Variants in DCAF5 observed in about 807,000 individuals in gnomAD.
The protein encoded by DCAF5 is DDB1- and CUL4-associated factor 5.
DCAF5 carries 9 observed loss-of-function variants against 80.7 expected under a neutral mutation model. The ratio of observed to expected loss-of-function variants is 0.11; its 90% CI spans 0.07 to 0.19. The LOEUF (loss-of-function observed/expected upper bound fraction) is 0.19. DCAF5 is among the 10% of genes least tolerant of loss of function. DCAF5 has a pLI of 1.00. For synonymous variants in DCAF5, 433 were observed against 461.9 expected, an observed-to-expected ratio of 0.94 and a Z score of 0.80; for missense variants, 842 against 1,205.7, an observed-to-expected ratio of 0.70 and a Z score of 4.47.
intron 7 of DCAF5, among the ~76,000 whole-genome samples, chr14:69,070,585 T>A (rs2038647266): frequency 6.6e-6 from 1 of 152,212 alleles, no homozygotes; most frequent in African/African-American, 2.4e-5. Context: ...CCAGGTATGA[T>A]TTTAAGTCTA....
chr14:69,091,611 T>A (rs1409829756), intron 6 of DCAF5, 63 bp downstream of exon 6: 7 of 1,436,034 alleles, frequency 4.9e-6, no homozygotes, highest in Non-Finnish European at 6.8e-6. Context: ...TAAAGACCAG[T>A]ATAGAAAGAA....
Position 69,055,653 on chromosome 14 carries a change from GA to G in DCAF5, c.1075-43del. ...AAACAAAAGCAACAAGGAGTAACTG[GA>G]AAGTATTCTTTCACTGGTGGTGATA... On this transcript the variant is annotated intron_variant, in intron 8 of 8. Coordinates refer to ENST00000341516, the MANE Select transcript of DCAF5 (RefSeq NM_003861.3). The surrounding 1 kb of genome is among the most constrained non-coding windows in gnomAD (Gnocchi z 5.6). The G allele has an allele frequency of 6.5e-7, 1 of 1,550,310 alleles. No homozygotes were observed. The highest frequency in any genetic ancestry group is 8.8e-7 in the Non-Finnish European group (1 of 1,141,298).
In DCAF5 at chr14:69,059,538, T is replaced by C. The variant is rs78419482; in HGVS notation, c.1074+2846A>G. Among the ~76,000 whole-genome samples the C allele has an allele frequency of 2.8e-3, 427 of 152,282 alleles. 2 individuals are homozygous for C. Among genetic ancestry groups the C allele is most frequent in the African/African-American group, 9.9e-3 (412 of 41,560 alleles). On this transcript the variant is annotated intron_variant, in intron 8 of 8. Transcript: ENST00000341516. ...TAAGTCACTGTCAGCACCCTCACTT[T>C]CCAGATGGGAGACAGAACCAAGGGT... is the stretch of plus-strand genomic sequence containing the variant.
At chr14:69,064,662 A>C (rs2038362539) in intron 7 of DCAF5, among the ~76,000 whole-genome samples, 2 of 152,192 alleles carry the variant, frequency 1.3e-5, no homozygotes, top group Non-Finnish European at 2.9e-5. Context: ...CTGAAGTTCT[A>C]AATTAAAAGG....
Position 69,054,571 on chromosome 14 carries a change from A to G in DCAF5, c.2115T>C (p.Ser705=), listed in dbSNP as rs779789894. Residue 705 remains serine, a synonymous_variant, in exon 9 of 9, where the codon TCT becomes TCC. Coordinates refer to ENST00000341516, the MANE Select transcript of DCAF5 (RefSeq NM_003861.3). ...GTSHKDNPAP[S]SSKEACLNIA... is the part of the protein sequence containing the mutation. ...TGTTTAGACAGGCTTCCTTACTGGAAGAAGGGGCTGGGTTGTCTTTGTGGC... is the reference window on the plus strand; with the variant it reads ...TGTTTAGACAGGCTTCCTTACTGGAGGAAGGGGCTGGGTTGTCTTTGTGGC... 2 of 1,614,176 alleles carry G rather than the reference A, an allele frequency of 1.2e-6. No individual in the cohort carries two copies. The highest frequency in any genetic ancestry group is 1.7e-6 in the Non-Finnish European group (2 of 1,180,016).
intron 1 of DCAF5, among the ~76,000 whole-genome samples, chr14:69,127,161 G>A (rs1331330002): frequency 1.3e-5 from 2 of 151,812 alleles, no homozygotes. Context: ...GTTGAAACTT[G>A]TATCTACACA....
intron 6 of DCAF5, chr14:69,085,506 T>C (rs979436336): frequency 1.6e-5 from 5 of 320,114 alleles, no homozygotes; most frequent in African/African-American, 1.1e-4. Flanking sequence ...AGAGTATAAA[T>C]TGAATTCGGT....
chr14:69,090,969 G>A lies in DCAF5; in HGVS notation c.879+705C>T, dbSNP rs903427963. ...CTTCCCATTTGTCTTTCCTCGGCTT[G>A]GTGACCCAGATTAGCCCAACTGGTC... On this transcript the variant is annotated intron_variant, in intron 6 of 8. Transcript: ENST00000341516. 157 of 639,512 alleles carry A rather than the reference G, an allele frequency of 2.5e-4. No individual in the cohort carries two copies. In the East Asian group the frequency reaches 4.2e-3, roughly 17 times the overall value. 39.6% of individuals were successfully genotyped at this position (639,512 alleles called of 1,614,324 possible). A position where few individuals can be genotyped will look rare whatever the true frequency, so the allele number is the denominator to read the frequency against.
chr14:69,140,312 C>T (rs1335466128), intron 1 of DCAF5, among the ~76,000 whole-genome samples: 1 of 152,022 alleles, frequency 6.6e-6, no homozygotes, highest in Non-Finnish European at 1.5e-5. Context: ...AGACATTCTA[C>T]AGCCATATAC....
intron 1 of DCAF5, among the ~76,000 whole-genome samples, chr14:69,126,566 T>G (rs976659710): frequency 2.0e-5 from 3 of 152,214 alleles, no homozygotes; most frequent in Admixed American, 2.0e-4. Flanking sequence ...GCAAAATGAT[T>G]CTAATATTTA....
chr14:69,122,496 A>C, intron 1 of DCAF5, 136 bp from the exon 2 acceptor site: 1 of 813,684 alleles, frequency 1.2e-6, no homozygotes, highest in South Asian at 2.1e-5. Context: ...GAGCACAAAA[A>C]CCCAGGACTC....
intron 1 of DCAF5, among the ~76,000 whole-genome samples, chr14:69,139,911 G>T (rs528329561): frequency 1.3e-5 from 2 of 150,204 alleles, no homozygotes; most frequent in South Asian, 4.2e-4. Context: ...GAGAAAGAAA[G>T]AGAAGGAAGG....
chr14:69,149,844 C>T (rs1257645937), intron 1 of DCAF5, among the ~76,000 whole-genome samples: 1 of 152,206 alleles, frequency 6.6e-6, no homozygotes, highest in Non-Finnish European at 1.5e-5. Flanking sequence ...GAATACTGTG[C>T]TCCCCCACTC....
Position 69,053,982 on chromosome 14 carries a change from T to C in DCAF5, c.2704A>G (p.Thr902Ala), listed in dbSNP as rs2037847108. 1 of 1,612,986 alleles carries C rather than the reference T, an allele frequency of 6.2e-7. No individual in the cohort carries two copies. Among genetic ancestry groups the C allele is most frequent in the East Asian group, 2.2e-5 (1 of 44,870 alleles). ...TPNAGTREDP[T>A]DTPATDSSRA... is the part of the protein sequence containing the mutation. Reference sequence around the variant, plus strand: ...CTACTATCTGTGGCTGGGGTGTCAGTGGGGTCCTCTCTTGTTCCAGCATTG... The same window carrying C: ...CTACTATCTGTGGCTGGGGTGTCAGCGGGGTCCTCTCTTGTTCCAGCATTG... The change falls in exon 9 of 9, where the codon ACT becomes GCT. Residue 902 changes from threonine to alanine, a missense_variant. Coordinates refer to ENST00000341516, the MANE Select transcript of DCAF5 (RefSeq NM_003861.3).
At chr14:69,148,719 T>C (rs535896922) in intron 1 of DCAF5, among the ~76,000 whole-genome samples, 4 of 152,152 alleles carry the variant, frequency 2.6e-5, no homozygotes, top group African/African-American at 4.8e-5. Context: ...AAAAAAGTAA[T>C]GTTCACTCAA....
intron 7 of DCAF5, among the ~76,000 whole-genome samples, chr14:69,064,100 C>T (rs760659369): frequency 1.2e-4 from 19 of 152,068 alleles, no homozygotes; most frequent in Non-Finnish European, 1.8e-4. Flanking sequence ...CACTGGCTTC[C>T]TAAGGTGGTA....
At chr14:69,078,081 T>C (rs2038967721) in intron 6 of DCAF5, among the ~76,000 whole-genome samples, 1 of 152,220 alleles carries the variant, frequency 6.6e-6, no homozygotes, top group African/African-American at 2.4e-5. Flanking sequence ...CCCAAGTGAT[T>C]TGATAAGTCA....
chr14:69,097,582 ATTTTT>A (rs755644268), intron 5 of DCAF5, among the ~76,000 whole-genome samples: 48 of 125,290 alleles, frequency 3.8e-4, no homozygotes, highest in African/African-American at 1.2e-3. Context: ...TATTATTATT[ATTTTT>A]TTTTTTTTTT....
Position 69,054,043 on chromosome 14 carries a change from T to G in DCAF5, c.2643A>C (p.Lys881Asn). 1 of 1,613,058 alleles carries G rather than the reference T, an allele frequency of 6.2e-7. No individual in the cohort carries two copies. Among genetic ancestry groups the G allele is most frequent in the Non-Finnish European group, 8.5e-7 (1 of 1,179,146 alleles). ...AGGCCATTTCAGACCCGCAACAATCTTTGTGTAGGAGTGTCCCTGTCAGGG... is the reference window on the plus strand; with the variant it reads ...AGGCCATTTCAGACCCGCAACAATCGTTGTGTAGGAGTGTCCCTGTCAGGG... ...NSSLTGTLLHKDCCGSEMACE... is the reference protein window; with the variant it reads ...NSSLTGTLLHNDCCGSEMACE... Residue 881 changes from lysine (K) to asparagine (N), a missense_variant, in exon 9 of 9, where the codon AAA (lysine) becomes AAC (asparagine). This residue lies in a region of DCAF5 where 607 missense variants were observed against 656.6 expected (regional missense o/e 0.92). Coordinates refer to ENST00000341516, the MANE Select transcript of DCAF5 (RefSeq NM_003861.3).
Sources: allele counts gnomAD v4.1 joint callset (sites outside exome capture counted in the v4.1 genomes callset), GRCh38; gene constraint gnomAD v4.1.1; regional missense constraint gnomAD v4.1.1; non-coding constraint Gnocchi (gnomAD v3.1); transcripts MANE v1.5; gene names NCBI Gene and HGNC (gene_info 2026-07-23, HGNC 2026-07-21).